Variants in GALNT17 observed in about 807,000 individuals in gnomAD.
The protein encoded by GALNT17 is UDP-GalNAc:polypeptide N-acetylgalactosaminyltransferase-like 3.
Under a neutral mutation model 63.7 loss-of-function variants are expected in GALNT17, and 29 were observed. The observed-to-expected ratio is 0.46, with a 90% confidence interval of 0.34 to 0.62. The LOEUF (loss-of-function observed/expected upper bound fraction) is 0.62, where lower values mean the gene tolerates loss of function less well. Among genes scored for constraint, GALNT17 ranks in the 20% least tolerant of loss-of-function variants. GALNT17 has a pLI of 0.01. For synonymous variants in GALNT17, 305 were observed against 318.3 expected (o/e 0.96, Z 0.45); for missense variants, 603 against 799.6 (o/e 0.75, Z 2.97).
intron 5 of GALNT17, among the ~76,000 whole-genome samples, chr7:71,516,177 T>C (rs1788441448): frequency 6.6e-6 from 1 of 152,142 alleles, no homozygotes; most frequent in African/African-American, 2.4e-5. Context: ...TTAATTTATG[T>C]TGTCAGGGTG....
At chr7:71,232,136 GAA>G (rs1411016986) in intron 1 of GALNT17, among the ~76,000 whole-genome samples, 1 of 152,202 alleles carries the variant, frequency 6.6e-6, no homozygotes, top group East Asian at 1.9e-4. Context: ...CAAATATTGA[GAA>G]AGAGAGTTTG....
intron 2 of GALNT17, among the ~76,000 whole-genome samples, chr7:71,352,372 A>G (rs950102364): frequency 2.6e-5 from 4 of 152,172 alleles, no homozygotes; most frequent in Non-Finnish European, 5.9e-5. Context: ...AAGAACTAAT[A>G]TACATAGTAA....
chr7:71,693,295 C>CATAT (rs1791486966), intron 9 of GALNT17, among the ~76,000 whole-genome samples: 10 of 120,846 alleles, frequency 8.3e-5, no homozygotes, highest in African/African-American at 3.3e-4. Flanking sequence ...CACACACACA[C>CATAT]ACACACACAC....
intron 5 of GALNT17, among the ~76,000 whole-genome samples, chr7:71,492,156 G>A (rs1279673709): frequency 6.6e-6 from 1 of 152,186 alleles, no homozygotes; most frequent in Admixed American, 6.5e-5. Context: ...GCACATGCCT[G>A]TAATCCCAGC....
At chr7:71,710,309 A>T (rs151028966) in intron 9 of GALNT17, among the ~76,000 whole-genome samples, 3,022 of 152,260 alleles carry the variant, frequency 0.02, 115 homozygotes, top group African/African-American at 0.069. Flanking sequence ...GGAGTTCGAG[A>T]CCAGCCTGAC....
intron 1 of GALNT17, among the ~76,000 whole-genome samples, chr7:71,140,501 C>G (rs1787868411): frequency 1.3e-5 from 2 of 152,212 alleles, no homozygotes; most frequent in South Asian, 4.1e-4. Context: ...GCCACCTGCC[C>G]AGCCCAGAGG....
intron 5 of GALNT17, among the ~76,000 whole-genome samples, chr7:71,507,668 T>A (rs1788289916): frequency 6.6e-6 from 1 of 152,194 alleles, no homozygotes; most frequent in Admixed American, 6.5e-5. Context: ...TCGAGCCGTG[T>A]CCCTTTAATG....
intron 5 of GALNT17, among the ~76,000 whole-genome samples, chr7:71,550,703 A>G (rs900937581): frequency 2.6e-5 from 4 of 152,142 alleles, no homozygotes; most frequent in Non-Finnish European, 4.4e-5. Context: ...TATTCTTTAT[A>G]TGATGTTTTA....
At chr7:71,636,783 A>T (rs1790533913) in intron 6 of GALNT17, among the ~76,000 whole-genome samples, 1 of 152,172 alleles carries the variant, frequency 6.6e-6, no homozygotes, top group Non-Finnish European at 1.5e-5. Context: ...CAGAAAATGC[A>T]GGTGGTTGGT....
rs911349282 is a variant in GALNT17, at chr7:71,328,755, C to T, written c.239-6795C>T. On this transcript the variant is annotated intron_variant, in intron 1 of 10. Coordinates refer to ENST00000333538, the MANE Select transcript of GALNT17 (RefSeq NM_022479.3). ...AATATGTAATTCACAGGTGTCACAT[C>T]GCACTGTGAGGAATGATCTTTTTGG... Among the ~76,000 whole-genome samples, 7 of 151,318 alleles carry T rather than the reference C, an allele frequency of 4.6e-5. No individual in the cohort carries two copies. In the East Asian group the frequency reaches 9.7e-4, roughly 21 times the overall value.
rs2116261478 is a variant in GALNT17 at position 71,164,241 on chromosome 7, A to G, written c.238+31201A>G. 1.3e-5 allele frequency among the ~76,000 whole-genome samples: 2 copies of G among 152,278 alleles called. 1 individual carries two copies. Among genetic ancestry groups the G allele is most frequent in the Admixed American group, 1.3e-4 (2 of 15,288 alleles). On this transcript the variant is annotated intron_variant, in intron 1 of 10. Transcript: ENST00000333538. ...TTTATAAAGAAAGGAGGTTTAATTG[A>G]CTCACAGTTCTGCATGGCTGGGAGG...
chr7:71,511,976 C>G (rs1788363381), intron 5 of GALNT17, among the ~76,000 whole-genome samples: 1 of 151,342 alleles, frequency 6.6e-6, no homozygotes, highest in South Asian at 2.1e-4. Flanking sequence ...TAAGTCTCAA[C>G]ACTAACCCTA....
chr7:71,440,639 G>A (rs1170170955), intron 5 of GALNT17, among the ~76,000 whole-genome samples: 1 of 152,116 alleles, frequency 6.6e-6, no homozygotes, highest in Admixed American at 6.5e-5. Flanking sequence ...CTCCCAAAGT[G>A]CTGGGATTAC....
At chr7:71,692,500 G>A (rs1791469567) in intron 9 of GALNT17, among the ~76,000 whole-genome samples, 1 of 152,132 alleles carries the variant, frequency 6.6e-6, no homozygotes. Flanking sequence ...CTTTAGCTAG[G>A]AGGCTCAGCA....
At chr7:71,560,630 T>G (rs1789240639) in intron 5 of GALNT17, among the ~76,000 whole-genome samples, 1 of 152,174 alleles carries the variant, frequency 6.6e-6, no homozygotes, top group South Asian at 2.1e-4. Context: ...AGGTTGCATG[T>G]GATGGTAACG....
chr7:71,614,514 A>G (rs910072061), intron 6 of GALNT17, among the ~76,000 whole-genome samples: 3 of 151,958 alleles, frequency 2.0e-5, no homozygotes, highest in Non-Finnish European at 2.9e-5. Flanking sequence ...CCAGCCACTC[A>G]AGAGGCTGAG....
Position 71,701,820 on chromosome 7 carries a change from T to C in GALNT17, c.1501-8941T>C, listed in dbSNP as rs1008107874. On this transcript the variant is annotated intron_variant, in intron 9 of 10. Transcript: ENST00000333538. ...GTGTGTGTGTATATATATATACACA[T>C]ATATATACACATATATATATGTGTA... Among the ~76,000 whole-genome samples, 11 of 8,886 alleles carry C rather than the reference T, an allele frequency of 1.2e-3. 1 individual carries two copies. Among genetic ancestry groups the C allele is most frequent in the South Asian group, 3.8e-3 (1 of 262 alleles). The allele number at this position is 8,886 out of a possible 152,430, so 5.8% of individuals were successfully genotyped here.
chr7:71,387,896 A>G (rs1792975951), intron 2 of GALNT17, among the ~76,000 whole-genome samples: 1 of 152,122 alleles, frequency 6.6e-6, no homozygotes. Flanking sequence ...CCTTTGTTTC[A>G]GGCTCTGTTT....
chr7:71,665,623 AC>A (rs1211718574), intron 7 of GALNT17, 27 bp downstream of exon 7: 2 of 1,600,572 alleles, frequency 1.2e-6, no homozygotes, highest in Non-Finnish European at 1.7e-6. Flanking sequence ...TTTCCCCACC[AC>A]CCCAGTACAG....
Sources: allele counts gnomAD v4.1 joint callset (sites outside exome capture counted in the v4.1 genomes callset), GRCh38; gene constraint gnomAD v4.1.1; transcripts MANE v1.5; gene names NCBI Gene and HGNC (gene_info 2026-07-23, HGNC 2026-07-21).